The following GRID1 variants were observed in gnomAD, a reference collection of about 807,000 sequenced individuals.
GRID1 encodes glutamate receptor ionotropic, delta-1.
A neutral mutation model predicts 98.0 loss-of-function variants in GRID1; 28 were observed. The observed-to-expected ratio is 0.29, with a 90% confidence interval of 0.21 to 0.39. The LOEUF is 0.39. Among genes scored for constraint, GRID1 ranks in the 10% least tolerant of loss-of-function variants. GRID1 has a pLI of 1.00. For synonymous variants in GRID1, 553 were observed against 538.5 expected (o/e 1.03, Z -0.37); for missense variants, 1,111 against 1,340.5 (o/e 0.83, Z 2.67).
intron 2 of GRID1, among the ~76,000 whole-genome samples, chr10:86,238,668 C>CAAAAAAA (rs931719950): frequency 2.1e-5 from 1 of 47,072 alleles, no homozygotes; most frequent in African/African-American, 6.1e-5. Flanking sequence ...GATTCCATCT[C>CAAAAAAA]AAAAAAAAAA....
intron 4 of GRID1, among the ~76,000 whole-genome samples, chr10:85,923,012 T>G (rs1053595190): frequency 1.3e-5 from 2 of 152,108 alleles, no homozygotes; most frequent in Non-Finnish European, 2.9e-5. Flanking sequence ...TGAAGTTCTC[T>G]TCATCTCCCA....
intron 2 of GRID1, among the ~76,000 whole-genome samples, chr10:86,294,615 G>A (rs1015023486): frequency 6.6e-6 from 1 of 152,306 alleles, no homozygotes; most frequent in Admixed American, 6.5e-5. Flanking sequence ...GAAGCCTCAC[G>A]GGGGCTGGTG....
At chr10:86,000,364 A>G (rs2131874378) in intron 4 of GRID1, among the ~76,000 whole-genome samples, 1 of 152,322 alleles carries the variant, frequency 6.6e-6, no homozygotes, top group African/African-American at 2.4e-5. Context: ...AAGGATGCCA[A>G]TCCTCTCCAA....
At chr10:86,295,865 C>A (rs917998538) in intron 2 of GRID1, among the ~76,000 whole-genome samples, 1 of 152,228 alleles carries the variant, frequency 6.6e-6, no homozygotes, top group Non-Finnish European at 1.5e-5. Flanking sequence ...CCAGCACCAA[C>A]AAGATCTAGA....
intron 10 of GRID1, among the ~76,000 whole-genome samples, chr10:85,725,349 C>A (rs1484985156): frequency 6.6e-6 from 1 of 152,204 alleles, no homozygotes; most frequent in Non-Finnish European, 1.5e-5. Context: ...CAGGTTTATT[C>A]TTCCATGGTA....
At chr10:85,652,417 C>T (rs968796425) in intron 12 of GRID1, among the ~76,000 whole-genome samples, 1 of 152,108 alleles carries the variant, frequency 6.6e-6, no homozygotes, top group Non-Finnish European at 1.5e-5. Flanking sequence ...ATTTCAACAA[C>T]GGTGGGGATG....
At chr10:85,604,010 A>C (rs1842619461) in intron 15 of GRID1, among the ~76,000 whole-genome samples, 1 of 152,204 alleles carries the variant, frequency 6.6e-6, no homozygotes, top group Admixed American at 6.5e-5. Context: ...TTCTGTGGGG[A>C]CAGTGGGAGA....
chr10:86,009,746 T>G (rs924980902), intron 4 of GRID1, among the ~76,000 whole-genome samples: 2 of 152,212 alleles, frequency 1.3e-5, no homozygotes, highest in African/African-American at 4.8e-5. Context: ...CATGAACATG[T>G]TATGTGGAAT....
intron 3 of GRID1, among the ~76,000 whole-genome samples, chr10:86,162,779 C>G (rs1845341244): frequency 6.6e-6 from 1 of 152,120 alleles, no homozygotes; most frequent in Non-Finnish European, 1.5e-5. Flanking sequence ...TTGGAAGTGG[C>G]CTTTGGGCAT....
At chr10:86,056,312 C>T (rs1843571709) in intron 4 of GRID1, among the ~76,000 whole-genome samples, 1 of 152,240 alleles carries the variant, frequency 6.6e-6, no homozygotes, top group African/African-American at 2.4e-5. Flanking sequence ...TGGCCAAGGT[C>T]AGACTGTATA....
chr10:85,636,246 G>T (rs139171051), intron 13 of GRID1, among the ~76,000 whole-genome samples: 1 of 152,080 alleles, frequency 6.6e-6, no homozygotes. Flanking sequence ...GTCCCAAGTC[G>T]GTTTTTGTCT....
At chr10:85,675,889 C>T (rs1203566581) in intron 12 of GRID1, among the ~76,000 whole-genome samples, 1 of 152,064 alleles carries the variant, frequency 6.6e-6, no homozygotes, top group African/African-American at 2.4e-5. Context: ...GTGTTCCATG[C>T]ATTTTGTGAG....
rs201597641 is a variant in GRID1 at position 85,803,390 on chromosome 10, AT to A, written c.1233+51105del. On this transcript the variant is annotated intron_variant, in intron 8 of 15. Coordinates refer to ENST00000327946, the MANE Select transcript of GRID1 (RefSeq NM_017551.3). The stretch of plus-strand genomic sequence containing the variant: ...TACCCACTAAAAATACGATTAATTT[AT>A]TTTTAAAAACCCCACATACAAACTT... Among the ~76,000 whole-genome samples, 443 of 152,194 alleles carry A rather than the reference AT, an allele frequency of 2.9e-3. 8 individuals carry two copies. Among genetic ancestry groups the A allele is most frequent in the Admixed American group, 0.026 (392 of 15,266 alleles).
chr10:85,878,647 T>C (rs1840944930), intron 5 of GRID1, among the ~76,000 whole-genome samples: 2 of 152,160 alleles, frequency 1.3e-5, no homozygotes, highest in African/African-American at 4.8e-5. Flanking sequence ...GAACAACCGG[T>C]ACCAGCCACT....
chr10:85,776,353 A>G (rs914991555), intron 8 of GRID1, among the ~76,000 whole-genome samples: 1 of 152,240 alleles, frequency 6.6e-6, no homozygotes, highest in Non-Finnish European at 1.5e-5. Flanking sequence ...GCTTTCCACA[A>G]CAAAGAACGT....
At chr10:85,620,602 C>T (rs760422452) in intron 13 of GRID1, among the ~76,000 whole-genome samples, 1 of 152,160 alleles carries the variant, frequency 6.6e-6, no homozygotes, top group Non-Finnish European at 1.5e-5. Flanking sequence ...ATGTCTAGAG[C>T]CCCCTGTGCA....
rs541954554 is a variant in GRID1, at chr10:86,312,372, T to C, written c.235+51569A>G. Among the ~76,000 whole-genome samples, 3 of 152,318 alleles carry C rather than the reference T, an allele frequency of 2.0e-5. No individual in the cohort carries two copies. The South Asian group carries it at 6.2e-4, about 32-fold the overall frequency. On this transcript the variant is annotated intron_variant, in intron 2 of 15. Coordinates refer to ENST00000327946, the MANE Select transcript of GRID1 (RefSeq NM_017551.3). The stretch of plus-strand genomic sequence containing the variant: ...TTGCTGGAGCTAATGACAAGAGCAC[T>C]CACCCATCGCCTCCCAAGGAGCAAG...
At chr10:85,738,761 T>TTACG (rs568924846) in intron 8 of GRID1, among the ~76,000 whole-genome samples, 211 of 152,308 alleles carry the variant, frequency 1.4e-3, no homozygotes, top group African/African-American at 4.8e-3. Flanking sequence ...ACTGCGTGCT[T>TTACG]TACGATGCTG....
intron 4 of GRID1, among the ~76,000 whole-genome samples, chr10:85,917,878 G>T (rs146316338): frequency 4.6e-4 from 70 of 152,308 alleles, no homozygotes; most frequent in Admixed American, 9.1e-4. Flanking sequence ...GAGCTCAAAG[G>T]AATCTTCAGT....
Sources: gnomAD v4.1 joint callset for allele counts (sites outside exome capture counted in the v4.1 genomes callset) on GRCh38, gnomAD v4.1.1 for gene constraint, MANE v1.5 for transcripts, NCBI Gene and HGNC (gene_info 2026-07-23, HGNC 2026-07-21) for gene names.